ABHD12B: variants seen among roughly 807,000 people sequenced by gnomAD.
The protein encoded by ABHD12B is protein ABHD12B.
Under a neutral mutation model 50.4 loss-of-function variants are expected in ABHD12B, and 42 were observed. That is an observed-to-expected ratio of 0.83 (90% CI 0.65 to 1.08). ABHD12B has a LOEUF of 1.08. ABHD12B is among the 50% of genes least tolerant of loss of function. The pLI is 0.00. For missense variants in ABHD12B, 479 were observed against 447.7 expected (o/e 1.07, Z -0.63); for synonymous variants, 167 against 160.3 (o/e 1.04, Z -0.32).
At chr14:50,893,824 C>T (rs1307689220) in intron 9 of ABHD12B, 1 of 153,124 alleles carries the variant, frequency 6.5e-6, no homozygotes, top group Non-Finnish European at 1.5e-5. Flanking sequence ...TTTCTCCTTT[C>T]AATCTTGGCA....
intron 9 of ABHD12B, among the ~76,000 whole-genome samples, chr14:50,889,832 G>GT (rs1171529435): frequency 1.3e-5 from 2 of 152,194 alleles, no homozygotes; most frequent in Admixed American, 6.5e-5. Flanking sequence ...GTTTCATACT[G>GT]TAAGACATCT....
At position 50,904,435 on chromosome 14, in the gene ABHD12B, ATGTAAAAT is replaced by A. The variant is rs2142779272; in HGVS notation, c.*74_*81del. The A allele has an allele frequency of 6.2e-7, 1 of 1,600,232 alleles. No homozygotes were observed. Among genetic ancestry groups the A allele is most frequent in the East Asian group, 2.2e-5 (1 of 44,806 alleles). On this transcript the variant is annotated 3_prime_UTR_variant, in exon 13 of 13. Coordinates refer to ENST00000337334, the MANE Select transcript of ABHD12B (RefSeq NM_001206673.2). ...ACCACCTGTGATGTATATTGTTCTA[ATGTAAAAT>A]TGTACTGGGCTGGTCGGATGAGCTG...
chr14:50,877,382 A>T (rs2049877290), intron 1 of ABHD12B, among the ~76,000 whole-genome samples: 1 of 152,186 alleles, frequency 6.6e-6, no homozygotes, highest in South Asian at 2.1e-4. Context: ...TTTGGGGTCC[A>T]GCCTCAGCCT....
At chr14:50,903,131 C>T (rs767641469) in intron 10 of ABHD12B, among the ~76,000 whole-genome samples, 3 of 149,788 alleles carry the variant, frequency 2.0e-5, no homozygotes, top group Admixed American at 6.6e-5. Context: ...TTAGTATTTC[C>T]AAAAATCATG....
intron 5 of ABHD12B, among the ~76,000 whole-genome samples, chr14:50,883,117 A>C (rs187326061): frequency 2.7e-4 from 41 of 152,228 alleles, no homozygotes; most frequent in Non-Finnish European, 5.9e-5. Flanking sequence ...CCAGGTATGC[A>C]GAAGATGGCA....
At chr14:50,882,973 C>CAAA (rs10648046) in intron 5 of ABHD12B, among the ~76,000 whole-genome samples, 6,088 of 112,824 alleles carry the variant, frequency 0.054, 563 homozygotes, top group East Asian at 0.15. Flanking sequence ...GACCCTGACT[C>CAAA]AAAAAAAAAA....
chr14:50,884,182 C>T (rs557982258), intron 5 of ABHD12B, among the ~76,000 whole-genome samples: 1 of 152,298 alleles, frequency 6.6e-6, no homozygotes, highest in South Asian at 2.1e-4. Flanking sequence ...CTATAAGCAT[C>T]TAGATTTTTC....
At position 50,878,812 on chromosome 14, in the gene ABHD12B, C is replaced by T. The variant is rs1393645778; in HGVS notation, c.300C>T (p.Tyr100=). The T allele has an allele frequency of 2.5e-6, 4 of 1,613,944 alleles. No homozygotes were observed. The highest frequency in any genetic ancestry group is 3.4e-6 in the Non-Finnish European group (4 of 1,179,858). The change falls in exon 3 of 13, where the codon TAC becomes TAT. Residue 100 remains tyrosine, a synonymous_variant. Coordinates refer to ENST00000337334, the MANE Select transcript of ABHD12B (RefSeq NM_001206673.2). Reference sequence around the variant, plus strand: ...AGATTCCTCACACAGTGAACTTCTACCTGAGAGTTGAACCTGGGGTGATGC... The same window carrying T: ...AGATTCCTCACACAGTGAACTTCTATCTGAGAGTTGAACCTGGGGTGATGC... ...ELKIPHTVNF[Y]LRVEPGVMLG...
At chr14:50,886,245 C>T (rs2142742305) in intron 7 of ABHD12B, among the ~76,000 whole-genome samples, 1 of 152,156 alleles carries the variant, frequency 6.6e-6, no homozygotes, top group South Asian at 2.1e-4. Context: ...CGAGACTAGC[C>T]TGGCCAACAT....
intron 9 of ABHD12B, among the ~76,000 whole-genome samples, chr14:50,901,511 A>AT (rs58670125): frequency 0.21 from 32,043 of 152,180 alleles, 3,844 homozygotes; most frequent in East Asian, 0.46. Context: ...AATAGAAGCA[A>AT]TTTTAGGTTT....
chr14:50,901,615 C>T (rs769377063), intron 9 of ABHD12B, among the ~76,000 whole-genome samples: 72 of 152,158 alleles, frequency 4.7e-4, no homozygotes, highest in Non-Finnish European at 8.7e-4. Flanking sequence ...TCTATGATGG[C>T]AGAATTATGT....
chr14:50,878,210 ACTTATT>A, intron 2 of ABHD12B, 131 bp downstream of exon 2: 1 of 813,932 alleles, frequency 1.2e-6, no homozygotes, highest in East Asian at 2.8e-5. Flanking sequence ...ATGGTCTGAA[ACTTATT>A]TAATATTGAC....
chr14:50,904,169 C>T lies in ABHD12B; in HGVS notation c.1038C>T (p.Ser346=). ...PGFQHNLLCK[S]PTLLITVRDF... ...TCCAACACAACCTGCTTTGTAAAAG[C>T]CCCACACTGTTAATAACCGTGAGGT... The change falls in exon 12 of 13, where the codon AGC becomes AGT. Residue 346 remains serine (S), a synonymous_variant. Transcript: ENST00000337334. The T allele has an allele frequency of 6.2e-7, 1 of 1,614,122 alleles. No individual in the cohort carries two copies. The highest frequency in any genetic ancestry group is 8.5e-7 in the Non-Finnish European group (1 of 1,179,978).
At chr14:50,876,609 T>C (rs1238015957) in intron 1 of ABHD12B, among the ~76,000 whole-genome samples, 2 of 152,184 alleles carry the variant, frequency 1.3e-5, no homozygotes, top group Non-Finnish European at 2.9e-5. Context: ...TACATGGATG[T>C]CACCAAGACT....
At chr14:50,878,872 G>A (rs1481119532) in intron 3 of ABHD12B, 25 bp downstream of exon 3, 1 of 1,590,330 alleles carries the variant, frequency 6.3e-7, no homozygotes, top group Non-Finnish European at 8.6e-7. Flanking sequence ...GGGACACCGG[G>A]TTGCTTGATG....
chr14:50,874,177 A>C (rs2049826953), intron 1 of ABHD12B, among the ~76,000 whole-genome samples: 1 of 152,210 alleles, frequency 6.6e-6, no homozygotes, highest in Non-Finnish European at 1.5e-5. Context: ...TGATTTTTTC[A>C]GTGGCTATTT....
chr14:50,901,875 TGAGAA>T lies in ABHD12B; in HGVS notation c.828_832del (p.Lys278GlnfsTer6), dbSNP rs781468374. On this transcript the variant is annotated frameshift_variant, in exon 10 of 13. Coordinates refer to ENST00000337334, the MANE Select transcript of ABHD12B (RefSeq NM_001206673.2). LOFTEE classifies it high-confidence loss of function. ...TTTTTACGTACACTTATGGATGCCCTGAGAAAAGACAAAATAATCTTTCCTAATGA... is the reference window on the plus strand; with the variant it reads ...TTTTTACGTACACTTATGGATGCCCTAAGACAAAATAATCTTTCCTAATGA... The T allele has an allele frequency of 2.9e-5, 47 of 1,597,074 alleles. No individual in the cohort carries two copies. Among genetic ancestry groups the T allele is most frequent in the Non-Finnish European group, 3.8e-5 (45 of 1,175,318 alleles).
In ABHD12B at chr14:50,884,720, T is replaced by C. The variant is rs1458576360; in HGVS notation, c.487-894T>C. ...ATTTCTTCTTTTTTTTTTTTTTTTT[T>C]TTTTTTTTTTTTTTGAGACAGAGTC... On this transcript the variant is annotated intron_variant, in intron 5 of 12. Coordinates refer to ENST00000337334, the MANE Select transcript of ABHD12B (RefSeq NM_001206673.2). Among the ~76,000 whole-genome samples the C allele has an allele frequency of 3.6e-5, 5 of 138,470 alleles. 1 individual carries two copies. Among genetic ancestry groups the C allele is most frequent in the South Asian group, 2.4e-4 (1 of 4,184 alleles). The allele number at this position is 138,470 out of a possible 152,430, so 90.8% of individuals were successfully genotyped here. A position where few individuals can be genotyped will look rare whatever the true frequency, so the allele number is the denominator to read the frequency against.
At position 50,888,882 on chromosome 14, in the gene ABHD12B, T is replaced by C; in HGVS notation, c.759T>C (p.Ser253=). The change falls in exon 9 of 13, where the codon AGT becomes AGC. Residue 253 remains serine, a synonymous_variant. Transcript: ENST00000337334. The part of the protein sequence containing the change: ...EAPFTNMWVA[S]INYPLLKIYR... ...CATTTACCAACATGTGGGTTGCAAG[T>C]ATCAATTATCCCTTGTTAAAGGTGA... The C allele has an allele frequency of 1.9e-6, 3 of 1,614,098 alleles. No homozygotes were observed. The highest frequency in any genetic ancestry group is 2.5e-6 in the Non-Finnish European group (3 of 1,179,990).
Sources: allele counts gnomAD v4.1 joint callset (sites outside exome capture counted in the v4.1 genomes callset), GRCh38; gene constraint gnomAD v4.1.1; transcripts MANE v1.5; gene names NCBI Gene and HGNC (gene_info 2026-07-23, HGNC 2026-07-21).